Variants in ANXA5 observed in about 807,000 individuals in gnomAD.
ANXA5 encodes annexin A5.
A neutral mutation model predicts 48.1 loss-of-function variants in ANXA5; 40 were observed. The observed-to-expected ratio is 0.83, with a 90% CI of 0.65 to 1.08. The LOEUF (loss-of-function observed/expected upper bound fraction) is 1.08, where lower values mean the gene tolerates loss of function less well. ANXA5 is among the 50% of genes least tolerant of loss of function. ANXA5 has a pLI of 0.00. For synonymous variants in ANXA5, 113 were observed against 129.1 expected, an observed-to-expected ratio of 0.88 and a Z score of 0.85; for missense variants, 357 against 376.8, an observed-to-expected ratio of 0.95 and a Z score of 0.44.
At chr4:121,680,253 CTGTGTGTGTGTGTCTGTGTTTGTG>C (rs1222097487) in intron 6 of ANXA5, among the ~76,000 whole-genome samples, 1 of 151,716 alleles carries the variant, frequency 6.6e-6, no homozygotes, top group African/African-American at 2.4e-5. Flanking sequence ...AACAGTACTC[CTGTGTGTGTGTGTCTGTGTTTGTG>C]TGTGTGTGTG....
intron 9 of ANXA5, among the ~76,000 whole-genome samples, chr4:121,672,226 C>T (rs1366218629): frequency 1.3e-5 from 2 of 152,158 alleles, no homozygotes; most frequent in African/African-American, 4.8e-5. Flanking sequence ...TGGGTACCAA[C>T]CTCTAGGAGG....
At chr4:121,685,085 C>T (rs1724862211) in intron 3 of ANXA5, among the ~76,000 whole-genome samples, 1 of 150,320 alleles carries the variant, frequency 6.7e-6, no homozygotes, top group Non-Finnish European at 1.5e-5. Context: ...CACACACACA[C>T]ACAGACGCAA....
At chr4:121,686,818 A>T (rs10011722) in intron 2 of ANXA5, among the ~76,000 whole-genome samples, 149,059 of 152,302 alleles carry the variant, frequency 0.98, 73,027 homozygotes, top group East Asian at 1. Context: ...TTCTGTATAC[A>T]TACTTAGGGA....
chr4:121,674,664 T>A (rs1274586861), intron 8 of ANXA5, among the ~76,000 whole-genome samples: 1 of 152,250 alleles, frequency 6.6e-6, no homozygotes, highest in Non-Finnish European at 1.5e-5. Context: ...TTGGGATCAA[T>A]ATCTACTGTA....
intron 2 of ANXA5, among the ~76,000 whole-genome samples, chr4:121,693,999 C>T (rs1275397301): frequency 6.7e-6 from 1 of 149,292 alleles, no homozygotes; most frequent in Non-Finnish European, 1.5e-5. Context: ...CTGATCAAAC[C>T]TTGTAACTTA....
chr4:121,672,642 A>T lies in ANXA5; in HGVS notation c.532-16T>A. 6.3e-7 allele frequency: 1 copy of T among 1,588,242 alleles called. No individual in the cohort carries two copies. Among genetic ancestry groups the T allele is most frequent in the Non-Finnish European group, 8.6e-7 (1 of 1,157,262 alleles). On this transcript the variant is annotated splice_polypyrimidine_tract_variant and intron_variant, in intron 8 of 12. Transcript: ENST00000296511. ...GAAATAAAGCCTGCAAAAATTTCAA[A>T]CTCAATTAATAAATTGTTCCTCCAT...
chr4:121,668,449 A>C lies in ANXA5; in HGVS notation c.*19T>G, dbSNP rs1724556835. The C allele has an allele frequency of 6.2e-7, 1 of 1,612,630 alleles. No individual in the cohort carries two copies. Among genetic ancestry groups the C allele is most frequent in the African/African-American group, 1.3e-5 (1 of 74,818 alleles). The stretch of plus-strand genomic sequence containing the variant: ...GGGGTGGTGCAGGCACACAGCAGGG[A>C]GCTCTTCCCCGTGACACGTTAGTCA... On this transcript the variant is annotated 3_prime_UTR_variant, in exon 13 of 13. Transcript: ENST00000296511.
chr4:121,682,338 AT>A (rs1230732017), intron 5 of ANXA5, among the ~76,000 whole-genome samples: 1 of 152,160 alleles, frequency 6.6e-6, no homozygotes, highest in Non-Finnish European at 1.5e-5. Flanking sequence ...TTGAAAAATC[AT>A]TTTAGTTGGC....
At chr4:121,690,607 G>A (rs1323152740) in intron 2 of ANXA5, among the ~76,000 whole-genome samples, 1 of 152,286 alleles carries the variant, frequency 6.6e-6, no homozygotes, top group East Asian at 1.9e-4. Context: ...AGGTTTGTAG[G>A]CTATGAAGAA....
intron 3 of ANXA5, among the ~76,000 whole-genome samples, chr4:121,686,029 C>CT (rs60663589): frequency 0.51 from 72,117 of 140,036 alleles, 19,015 homozygotes; most frequent in African/African-American, 0.6. Context: ...AATTTTTTTG[C>CT]TTTTTTTTTT....
chr4:121,678,273 A>G (rs950316167), intron 7 of ANXA5, 142 bp downstream of exon 7: 30 of 687,792 alleles, frequency 4.4e-5, no homozygotes, highest in Non-Finnish European at 1.2e-5. Flanking sequence ...AGCACAGGCA[A>G]CATACAGTCA....
intron 2 of ANXA5, among the ~76,000 whole-genome samples, chr4:121,690,524 C>T (rs13122280): frequency 0.44 from 66,517 of 151,848 alleles, 16,105 homozygotes; most frequent in East Asian, 0.73. Flanking sequence ...GAGGGAAAGA[C>T]GGTCTCAATG....
Position 121,670,000 on chromosome 4 carries a change from C to T in ANXA5, c.734G>A (p.Arg245Gln), listed in dbSNP as rs145513784. 6.5e-4 allele frequency: 1,034 copies of T among 1,601,430 alleles called. 4 individuals are homozygous for T. The highest frequency in any genetic ancestry group is 2.7e-3 in the Middle Eastern group (16 of 6,004). The stretch of plus-strand genomic sequence containing the variant: ...CTCTGCAAGGTAGGCAGGTATACTT[C>T]GAATAGATTTCACTAAGAAAATAAA... The part of the protein sequence containing the change: ...QLLLAVVKSI[R>Q]SIPAYLAETL... The change falls in exon 11 of 13, where the codon CGA becomes CAA. Residue 245 changes from arginine (R) to glutamine (Q), a missense_variant. Transcript: ENST00000296511.
chr4:121,694,087 G>A (rs779156343), intron 2 of ANXA5, among the ~76,000 whole-genome samples: 8 of 120,712 alleles, frequency 6.6e-5, no homozygotes, highest in Admixed American at 9.0e-5. Context: ...CACCCACACC[G>A]GGGCCTATTG....
At chr4:121,672,995 T>C (rs1004158189) in intron 8 of ANXA5, among the ~76,000 whole-genome samples, 3 of 152,238 alleles carry the variant, frequency 2.0e-5, no homozygotes, top group African/African-American at 7.2e-5. Flanking sequence ...GGGAAAGGAT[T>C]TAACTGGAAG....
intron 7 of ANXA5, 76 bp downstream of exon 7, chr4:121,678,339 G>T: frequency 8.7e-7 from 1 of 1,153,974 alleles, no homozygotes; most frequent in South Asian, 1.4e-5. Context: ...AATTTTAAGT[G>T]ACCTTACTTA....
At chr4:121,691,574 C>G (rs1724985966) in intron 2 of ANXA5, among the ~76,000 whole-genome samples, 1 of 151,784 alleles carries the variant, frequency 6.6e-6, no homozygotes, top group Non-Finnish European at 1.5e-5. Flanking sequence ...GTAATATTAA[C>G]TAGGAGCTGG....
chr4:121,676,504 C>T (rs1724700408), intron 8 of ANXA5, among the ~76,000 whole-genome samples: 1 of 152,124 alleles, frequency 6.6e-6, no homozygotes, highest in Non-Finnish European at 1.5e-5. Flanking sequence ...AGGGAAATTG[C>T]CCCTTTCTGG....
chr4:121,676,501 T>C (rs1008547383), intron 8 of ANXA5, among the ~76,000 whole-genome samples: 1 of 152,156 alleles, frequency 6.6e-6, no homozygotes, highest in Non-Finnish European at 1.5e-5. Context: ...AAAAGGGAAA[T>C]TGCCCCTTTC....
Sources: gnomAD v4.1 joint callset for allele counts (sites outside exome capture counted in the v4.1 genomes callset) on GRCh38, gnomAD v4.1.1 for gene constraint, MANE v1.5 for transcripts, NCBI Gene and HGNC (gene_info 2026-07-23, HGNC 2026-07-21) for gene names.